ZDHHC14: variants seen among roughly 807,000 people sequenced by gnomAD.
ZDHHC14 encodes zDHHC palmitoyltransferase 14, also known as palmitoyltransferase ZDHHC14.
In ZDHHC14, 16 loss-of-function variants were observed where a neutral mutation model predicts 47.7. That is an observed-to-expected ratio of 0.34 (90% CI 0.23 to 0.51). The LOEUF is 0.51. ZDHHC14 is among the 20% of genes least tolerant of loss of function. The probability of loss-of-function intolerance (pLI) is 0.97; values close to 1 mark genes in which losing one functional copy is unlikely to be tolerated. For synonymous variants in ZDHHC14, 293 were observed against 278.9 expected (o/e 1.05, Z -0.50); for missense variants, 515 against 662.5 (o/e 0.78, Z 2.44).
intron 1 of ZDHHC14, among the ~76,000 whole-genome samples, chr6:157,522,216 G>A (rs1335173441): frequency 2.0e-5 from 3 of 152,080 alleles, no homozygotes; most frequent in African/African-American, 7.2e-5. Flanking sequence ...TCCTGGACTT[G>A]TTTTGTGCAG....
intron 7 of ZDHHC14, among the ~76,000 whole-genome samples, chr6:157,650,891 G>T (rs1408203920): frequency 2.6e-5 from 4 of 152,182 alleles, no homozygotes; most frequent in Non-Finnish European, 5.9e-5. Context: ...GGGACAGGGG[G>T]TCGGTGCTTT....
intron 1 of ZDHHC14, among the ~76,000 whole-genome samples, chr6:157,519,497 G>A (rs1349878523): frequency 6.6e-6 from 1 of 152,130 alleles, no homozygotes; most frequent in Non-Finnish European, 1.5e-5. Flanking sequence ...AGAAGTAAGG[G>A]CCTAAATGAG....
At chr6:157,528,002 G>T (rs1781219291) in intron 1 of ZDHHC14, among the ~76,000 whole-genome samples, 1 of 152,144 alleles carries the variant, frequency 6.6e-6, no homozygotes. Flanking sequence ...TTATTTAATT[G>T]ATTGTAGCTT....
chr6:157,638,205 A>G (rs986746306), intron 5 of ZDHHC14, among the ~76,000 whole-genome samples: 2 of 152,190 alleles, frequency 1.3e-5, no homozygotes, highest in African/African-American at 2.4e-5. Context: ...CAGCCCTCCC[A>G]GGGGTGAGGG....
intron 1 of ZDHHC14, among the ~76,000 whole-genome samples, chr6:157,531,733 C>T (rs1781376621): frequency 6.6e-6 from 1 of 152,136 alleles, no homozygotes; most frequent in Non-Finnish European, 1.5e-5. Flanking sequence ...TGAATGAAGG[C>T]GTGAAGGAGA....
chr6:157,652,022 G>A (rs1054684444), intron 7 of ZDHHC14, among the ~76,000 whole-genome samples: 3 of 152,130 alleles, frequency 2.0e-5, no homozygotes, highest in Non-Finnish European at 1.5e-5. Context: ...TTTTCCCCTC[G>A]GACCCTTTGT....
intron 1 of ZDHHC14, among the ~76,000 whole-genome samples, chr6:157,486,163 G>A (rs1779774253): frequency 1.3e-5 from 2 of 152,182 alleles, no homozygotes. Context: ...CTGTATGACA[G>A]TCTCTAGGTG....
chr6:157,672,696 C>T, intron 8 of ZDHHC14, 28 bp from the exon 9 acceptor site: 4 of 1,395,896 alleles, frequency 2.9e-6, no homozygotes, highest in Non-Finnish European at 3.8e-6. Flanking sequence ...TCTCCACCTT[C>T]TCTTTGCTGG....
chr6:157,633,948 C>G (rs1776841196), intron 5 of ZDHHC14, among the ~76,000 whole-genome samples: 1 of 152,182 alleles, frequency 6.6e-6, no homozygotes, highest in Non-Finnish European at 1.5e-5. Flanking sequence ...CCACCACACC[C>G]AGCAAGGTAG....
chr6:157,460,825 T>TC (rs1413884778), intron 1 of ZDHHC14, among the ~76,000 whole-genome samples: 4 of 152,328 alleles, frequency 2.6e-5, no homozygotes, highest in East Asian at 1.9e-4. Flanking sequence ...GAGGAGGGTT[T>TC]CCCTGAAGAT....
chr6:157,477,716 G>C (rs759133519), intron 1 of ZDHHC14, among the ~76,000 whole-genome samples: 15 of 152,108 alleles, frequency 9.9e-5, no homozygotes, highest in Non-Finnish European at 2.1e-4. Context: ...ATTTTTCTCT[G>C]TTCCAGACCT....
intron 3 of ZDHHC14, among the ~76,000 whole-genome samples, chr6:157,612,808 A>G (rs1343280599): frequency 6.6e-6 from 1 of 150,442 alleles, no homozygotes; most frequent in East Asian, 2.0e-4. Flanking sequence ...TGCTGTATCT[A>G]CCTTCATGTC....
chr6:157,437,357 C>A (rs957656661), intron 1 of ZDHHC14, among the ~76,000 whole-genome samples: 3 of 152,218 alleles, frequency 2.0e-5, no homozygotes, highest in Non-Finnish European at 4.4e-5. Context: ...CCTAGATTCT[C>A]TTTATAGTAG....
intron 1 of ZDHHC14, among the ~76,000 whole-genome samples, chr6:157,453,486 G>C (rs113286114): frequency 0.019 from 2,967 of 152,160 alleles, 101 homozygotes; most frequent in African/African-American, 0.068. Context: ...ACTCAAACTT[G>C]AGTTTCATAT....
chr6:157,545,837 G>T (rs1781949665), intron 2 of ZDHHC14, among the ~76,000 whole-genome samples: 1 of 152,162 alleles, frequency 6.6e-6, no homozygotes, highest in Non-Finnish European at 1.5e-5. Flanking sequence ...GGTGAGCGGT[G>T]CAGTTTTCTA....
intron 2 of ZDHHC14, among the ~76,000 whole-genome samples, chr6:157,555,949 G>C (rs1387827224): frequency 1.3e-5 from 2 of 152,192 alleles, no homozygotes; most frequent in South Asian, 2.1e-4. Context: ...GATCAGGAGG[G>C]ATTAATCACG....
At chr6:157,663,326 G>A (rs1024223866) in intron 8 of ZDHHC14, among the ~76,000 whole-genome samples, 1 of 152,222 alleles carries the variant, frequency 6.6e-6, no homozygotes, top group Non-Finnish European at 1.5e-5. Context: ...AATCCAAGAG[G>A]GAACAGCCCA....
intron 1 of ZDHHC14, among the ~76,000 whole-genome samples, chr6:157,456,174 A>T (rs1159415704): frequency 6.6e-6 from 1 of 152,136 alleles, no homozygotes; most frequent in Non-Finnish European, 1.5e-5. Flanking sequence ...CTCCCCGAGG[A>T]GGCTGCCACG....
chr6:157,593,098 T>G lies in ZDHHC14; in HGVS notation c.517T>G (p.Phe173Val), dbSNP rs1452628056. The change falls in exon 3 of 9, where the codon TTC becomes GTC. Residue 173 changes from phenylalanine (F) to valine (V), a missense_variant. Phe to Val is a conservative substitution (Grantham distance 50). Coordinates refer to ENST00000359775, the MANE Select transcript of ZDHHC14 (RefSeq NM_024630.3). ...TAAATACTGTTTCACCTGCAAGATTTTCCGGCCCCCTCGCGCCTCCCATTG... is the reference window on the plus strand; with the variant it reads ...TAAATACTGTTTCACCTGCAAGATTGTCCGGCCCCCTCGCGCCTCCCATTG... Reference protein sequence around the residue: ...KLKYCFTCKIFRPPRASHCSL... With the variant: ...KLKYCFTCKIVRPPRASHCSL... The G allele has an allele frequency of 6.2e-7, 1 of 1,614,170 alleles. No homozygotes were observed. Among genetic ancestry groups the G allele is most frequent in the Non-Finnish European group, 8.5e-7 (1 of 1,180,004 alleles).
Sources: gnomAD v4.1 joint callset for allele counts (sites outside exome capture counted in the v4.1 genomes callset) on GRCh38, gnomAD v4.1.1 for gene constraint, MANE v1.5 for transcripts, NCBI Gene and HGNC (gene_info 2026-07-23, HGNC 2026-07-21) for gene names.